The following CDH13 variants were observed in gnomAD, a reference collection of about 807,000 sequenced individuals.
CDH13 encodes cadherin-13.
In CDH13, 24 loss-of-function variants were observed where a neutral mutation model predicts 63.8. The ratio of observed to expected loss-of-function variants is 0.38; its 90% CI spans 0.27 to 0.53. The LOEUF is 0.53. Ranked by LOEUF, CDH13 falls within the 20% of genes least tolerant of loss-of-function variation. The pLI, the probability that CDH13 is intolerant of heterozygous loss-of-function variation, is 0.85. For missense variants in CDH13, 1,049 were observed against 903.1 expected, an observed-to-expected ratio of 1.16 and a Z score of -2.07; for synonymous variants, 503 against 355.3, an observed-to-expected ratio of 1.42 and a Z score of -4.67.
chr16:83,035,920 A>T (rs1288699707), intron 3 of CDH13, among the ~76,000 whole-genome samples: 1 of 152,154 alleles, frequency 6.6e-6, no homozygotes, highest in Non-Finnish European at 1.5e-5. Flanking sequence ...ATGCTTACGT[A>T]ATACTTACTA....
chr16:83,115,323 T>A (rs1276753234), intron 3 of CDH13, among the ~76,000 whole-genome samples: 1 of 152,204 alleles, frequency 6.6e-6, no homozygotes, highest in Non-Finnish European at 1.5e-5. Context: ...ATACAATGTG[T>A]TTAGCACTGT....
intron 5 of CDH13, among the ~76,000 whole-genome samples, chr16:83,279,740 A>G (rs545980267): frequency 5.8e-4 from 88 of 152,310 alleles, no homozygotes; most frequent in African/African-American, 2.1e-3. Context: ...GAAGCAAACC[A>G]TAAAACATAC....
chr16:83,689,675 C>T (rs1158419983), intron 10 of CDH13, among the ~76,000 whole-genome samples: 1 of 152,172 alleles, frequency 6.6e-6, no homozygotes, highest in Non-Finnish European at 1.5e-5. Flanking sequence ...ATTCCAATAG[C>T]GTTGGCAGGA....
intron 3 of CDH13, among the ~76,000 whole-genome samples, chr16:83,097,616 G>A (rs1272138513): frequency 6.6e-6 from 1 of 152,138 alleles, no homozygotes; most frequent in South Asian, 2.1e-4. Flanking sequence ...TGCCTGACTG[G>A]GATAGCCAAG....
intron 1 of CDH13, among the ~76,000 whole-genome samples, chr16:82,693,813 C>T (rs9930490): frequency 0.53 from 80,316 of 152,064 alleles, 22,977 homozygotes; most frequent in South Asian, 0.66. Context: ...CCCAAGGTGC[C>T]ATCAGAGTCA....
chr16:82,853,041 A>T (rs1215356182), intron 1 of CDH13, among the ~76,000 whole-genome samples: 5 of 152,358 alleles, frequency 3.3e-5, no homozygotes, highest in South Asian at 4.1e-4. Flanking sequence ...AGCTAAAAAG[A>T]AAACCTGGTA....
intron 1 of CDH13, among the ~76,000 whole-genome samples, chr16:82,727,954 C>A (rs949250958): frequency 1.3e-5 from 2 of 152,112 alleles, no homozygotes; most frequent in African/African-American, 4.8e-5. Context: ...GTTCAAATTC[C>A]CCTGAATGAG....
intron 2 of CDH13, among the ~76,000 whole-genome samples, chr16:82,870,307 G>T (rs111895160): frequency 1.3e-5 from 2 of 151,978 alleles, no homozygotes; most frequent in African/African-American, 4.8e-5. Flanking sequence ...TCCAAAAGAC[G>T]GGCAATCATG....
intron 2 of CDH13, among the ~76,000 whole-genome samples, chr16:82,900,741 G>C (rs1191777854): frequency 6.6e-6 from 1 of 152,232 alleles, no homozygotes; most frequent in Non-Finnish European, 1.5e-5. Context: ...CAGTGCTAAG[G>C]CAGGTGATAT....
chr16:83,367,342 ATATTT>A (rs961615446), intron 6 of CDH13, among the ~76,000 whole-genome samples: 11 of 150,394 alleles, frequency 7.3e-5, no homozygotes, highest in East Asian at 2.0e-4. Context: ...GTATGGGATT[ATATTT>A]TATTTTAAGT....
chr16:83,014,832 A>ATATATATGTG (rs1444646296), intron 2 of CDH13, among the ~76,000 whole-genome samples: 3 of 124,004 alleles, frequency 2.4e-5, no homozygotes, highest in Non-Finnish European at 5.0e-5. Flanking sequence ...ATATATTTGT[A>ATATATATGTG]TATATATTTG....
chr16:83,049,735 A>C (rs909846484), intron 3 of CDH13, among the ~76,000 whole-genome samples: 1 of 152,118 alleles, frequency 6.6e-6, no homozygotes, highest in Non-Finnish European at 1.5e-5. Context: ...ATGGACCACA[A>C]ATTGTTTACC....
At chr16:83,130,604 G>A (rs1232260310) in intron 4 of CDH13, among the ~76,000 whole-genome samples, 1 of 152,194 alleles carries the variant, frequency 6.6e-6, no homozygotes, top group Non-Finnish European at 1.5e-5. Context: ...GAACATATGG[G>A]TACTTGCTGT....
In CDH13 at chr16:83,251,607, C is replaced by T. The variant is rs4468602; in HGVS notation, c.636+34110C>T. On this transcript the variant is annotated intron_variant, in intron 5 of 13. Coordinates refer to ENST00000567109, the MANE Select transcript of CDH13 (RefSeq NM_001257.5). Reference sequence around the variant, plus strand: ...TGTCAGGAGGCAGCAGAGGGTGGGGCCAGTTCTAGAGAAGGCACATCACCT... The same window carrying T: ...TGTCAGGAGGCAGCAGAGGGTGGGGTCAGTTCTAGAGAAGGCACATCACCT... Among the ~76,000 whole-genome samples, 686 of 152,296 alleles carry T rather than the reference C, an allele frequency of 4.5e-3. 3 individuals are homozygous for T. The highest frequency in any genetic ancestry group is 0.016 in the African/African-American group (653 of 41,564).
chr16:83,370,363 G>A (rs2091342873), intron 6 of CDH13, among the ~76,000 whole-genome samples: 1 of 150,830 alleles, frequency 6.6e-6, no homozygotes, highest in Admixed American at 6.6e-5. Flanking sequence ...ACTCCAGCCT[G>A]GGTAACACAG....
chr16:83,611,568 T>C (rs76467866), intron 8 of CDH13, among the ~76,000 whole-genome samples: 2,533 of 152,118 alleles, frequency 0.017, 77 homozygotes, highest in African/African-American at 0.058. Flanking sequence ...TGGGTATCTT[T>C]CACCATTTAT....
At chr16:83,618,590 A>G (rs541043265) in intron 8 of CDH13, among the ~76,000 whole-genome samples, 48 of 152,262 alleles carry the variant, frequency 3.2e-4, no homozygotes, top group African/African-American at 1.1e-3. Flanking sequence ...GCACTAACAT[A>G]GCAAGTCACA....
At chr16:82,694,839 G>A (rs2030063975) in intron 1 of CDH13, among the ~76,000 whole-genome samples, 1 of 152,176 alleles carries the variant, frequency 6.6e-6, no homozygotes, top group Admixed American at 6.5e-5. Flanking sequence ...GTGGACAGCT[G>A]TGGTCTCTTC....
chr16:83,080,551 T>C (rs114506324), intron 3 of CDH13, among the ~76,000 whole-genome samples: 7,898 of 152,026 alleles, frequency 0.052, 230 homozygotes, highest in South Asian at 0.11. Context: ...TGAAATAGAG[T>C]CTGTTATTAG....
Sources: allele counts gnomAD v4.1 joint callset (sites outside exome capture counted in the v4.1 genomes callset), GRCh38; gene constraint gnomAD v4.1.1; transcripts MANE v1.5; gene names NCBI Gene and HGNC (gene_info 2026-07-23, HGNC 2026-07-21).